The following NR1I2 variants were observed in gnomAD, a reference collection of about 807,000 sequenced individuals.
NR1I2 encodes nuclear receptor subfamily 1 group I member 2.
In NR1I2, 42 loss-of-function variants were observed where a neutral mutation model predicts 43.3. That is an observed-to-expected ratio of 0.97 (90% confidence interval 0.76 to 1.26). NR1I2 has a LOEUF of 1.26. NR1I2 is among the 50% of genes most tolerant of loss of function. The pLI is 0.00. For synonymous variants in NR1I2, 229 were observed against 215.0 expected (o/e 1.06, Z -0.57); for missense variants, 559 against 566.7 (o/e 0.99, Z 0.14).
intron 1 of NR1I2, among the ~76,000 whole-genome samples, chr3:119,803,704 C>A (rs1226891421): frequency 6.6e-6 from 1 of 152,162 alleles, no homozygotes; most frequent in East Asian, 1.9e-4. Context: ...TCCCAAAACA[C>A]TAATCCTGAA....
rs954675943 is a variant in NR1I2, at chr3:119,818,238, G to A, written c.*1026G>A. On this transcript the variant is annotated 3_prime_UTR_variant, in exon 9 of 9. Coordinates refer to ENST00000393716, the MANE Select transcript of NR1I2 (RefSeq NM_003889.4). ...TGTGACAAGGCTACGCTGACAATCA[G>A]TTAAACACACCGGAGAAGAACCATT... 17 of 985,552 alleles carry A rather than the reference G, an allele frequency of 1.7e-5. No homozygotes were observed. Among genetic ancestry groups the A allele is most frequent in the Middle Eastern group, 5.2e-4 (1 of 1,934 alleles). 61.1% of individuals were successfully genotyped at this position (985,552 alleles called of 1,614,324 possible).
In NR1I2 at chr3:119,818,226, C is replaced by A; in HGVS notation, c.*1014C>A. On this transcript the variant is annotated 3_prime_UTR_variant, in exon 9 of 9. Coordinates refer to ENST00000393716, the MANE Select transcript of NR1I2 (RefSeq NM_003889.4). ...CTGGGTATGCTCTGTGACAAGGCTA[C>A]GCTGACAATCAGTTAAACACACCGG... The A allele has an allele frequency of 1.0e-6, 1 of 985,698 alleles. No homozygotes were observed. Among genetic ancestry groups the A allele is most frequent in the South Asian group, 4.7e-5 (1 of 21,284 alleles). 61.1% of individuals were successfully genotyped at this position (985,698 alleles called of 1,614,324 possible). A position where few individuals can be genotyped will look rare whatever the true frequency, so the allele number is the denominator to read the frequency against.
chr3:119,802,071 C>T (rs546850246), intron 1 of NR1I2, among the ~76,000 whole-genome samples: 2 of 152,250 alleles, frequency 1.3e-5, no homozygotes, highest in South Asian at 2.1e-4. Flanking sequence ...AAGTCACAGA[C>T]CATCCTAGAC....
chr3:119,811,748 C>A (rs138409236), intron 4 of NR1I2, 22 bp downstream of exon 4: 8 of 1,585,098 alleles, frequency 5.0e-6, no homozygotes, highest in East Asian at 2.3e-5. Flanking sequence ...TGCACAGTGA[C>A]CCGAGGTGTC....
chr3:119,805,717 CAA>C (rs35156130), intron 1 of NR1I2, among the ~76,000 whole-genome samples: 3 of 96,620 alleles, frequency 3.1e-5, no homozygotes, highest in Non-Finnish European at 2.0e-5. Flanking sequence ...TCCCCCCCAC[CAA>C]AAAAAAAAGA....
At chr3:119,814,775 G>C (rs976080782) in intron 5 of NR1I2, among the ~76,000 whole-genome samples, 1 of 152,178 alleles carries the variant, frequency 6.6e-6, no homozygotes, top group Admixed American at 6.5e-5. Flanking sequence ...GGGGAGGAGA[G>C]GATGCTGCGG....
chr3:119,812,873 T>A lies in NR1I2; in HGVS notation c.707T>A (p.Ile236Asn). The A allele has an allele frequency of 6.2e-7, 1 of 1,613,382 alleles. No homozygotes were observed. The highest frequency in any genetic ancestry group is 8.5e-7 in the Non-Finnish European group (1 of 1,179,344). The change falls in exon 5 of 9, where the codon ATC becomes AAC. Residue 236 changes from isoleucine to asparagine, a missense_variant. Transcript: ENST00000393716. ...CCAGCCGACAGTGGCGGGAAAGAGA[T>A]CTTCTCCCTGCTGCCCCACATGGCT...
At chr3:119,797,010 G>A (rs996881402) in intron 1 of NR1I2, among the ~76,000 whole-genome samples, 10 of 152,092 alleles carry the variant, frequency 6.6e-5, no homozygotes, top group Admixed American at 2.0e-4. Context: ...ATCTCCAGCC[G>A]CCAGGAGCAA....
chr3:119,792,426 C>T (rs2054932741), intron 1 of NR1I2: 6 of 1,192,124 alleles, frequency 5.0e-6, no homozygotes, highest in Non-Finnish European at 7.5e-6. Context: ...CTGGCCACTG[C>T]AGGGGACGGC....
chr3:119,814,771 G>C (rs1160961381), intron 5 of NR1I2, among the ~76,000 whole-genome samples: 1 of 152,198 alleles, frequency 6.6e-6, no homozygotes, highest in Non-Finnish European at 1.5e-5. Flanking sequence ...TGGAGGGGAG[G>C]AGAGGATGCT....
At chr3:119,790,015 A>G (rs1227445236) in intron 1 of NR1I2, among the ~76,000 whole-genome samples, 1 of 152,174 alleles carries the variant, frequency 6.6e-6, no homozygotes. Flanking sequence ...GTATGTTTTC[A>G]TCGTTGTGCA....
At position 119,815,136 on chromosome 3, in the gene NR1I2, C is replaced by G; in HGVS notation, c.937+15C>G. 1 of 1,614,138 alleles carries G rather than the reference C, an allele frequency of 6.2e-7. No individual in the cohort carries two copies. Among genetic ancestry groups the G allele is most frequent in the Non-Finnish European group, 8.5e-7 (1 of 1,180,028 alleles). On this transcript the variant is annotated intron_variant, in intron 6 of 8. Transcript: ENST00000393716. ...AGACACTGCAGGTGCCCGAGAGAGCCTGCCTGCCCTGGCAGAGGGAGGGAA... is the reference window on the plus strand; with the variant it reads ...AGACACTGCAGGTGCCCGAGAGAGCGTGCCTGCCCTGGCAGAGGGAGGGAA...
intron 5 of NR1I2, 96 bp from the exon 6 acceptor site, chr3:119,814,883 C>G: frequency 6.6e-7 from 1 of 1,512,074 alleles, no homozygotes; most frequent in East Asian, 2.3e-5. Flanking sequence ...CCCTCTTCCT[C>G]TCGCCCCCAA....
chr3:119,817,437 AC>A lies in NR1I2; in HGVS notation c.*226del, dbSNP rs2055346733. The A allele has an allele frequency of 7.1e-7, 1 of 1,407,732 alleles. No individual in the cohort carries two copies. Among genetic ancestry groups the A allele is most frequent in the African/African-American group, 1.4e-5 (1 of 69,386 alleles). 87.2% of individuals were successfully genotyped at this position (1,407,732 alleles called of 1,614,324 possible). A position where few individuals can be genotyped will look rare whatever the true frequency, so the allele number is the denominator to read the frequency against. ...GTAGGGAGTGAAGCCACAGACTCTT[AC>A]GTGGAGAGTGCACTGACCTGTAGGT... On this transcript the variant is annotated 3_prime_UTR_variant, in exon 9 of 9. Coordinates refer to ENST00000393716, the MANE Select transcript of NR1I2 (RefSeq NM_003889.4).
intron 1 of NR1I2, chr3:119,782,786 A>AG: frequency 6.2e-7 from 1 of 1,614,174 alleles, no homozygotes; most frequent in Non-Finnish European, 8.5e-7. Flanking sequence ...CACCACTTCA[A>AG]GGAGGGGTCC....
In NR1I2 at chr3:119,810,064, G is replaced by T; in HGVS notation, c.201G>T (p.Arg67Ser). ...TCTGCTCCCCATTCTCTCACAGGAGGGCCATGAAACGCAACGCCCGGCTGA... is the reference window on the plus strand; with the variant it reads ...TCTGCTCCCCATTCTCTCACAGGAGTGCCATGAAACGCAACGCCCGGCTGA... Residue 67 changes from arginine (R) to serine (S), a missense_variant, in exon 3 of 9, where the codon AGG (arginine) becomes AGT (serine). Transcript: ENST00000393716. 3 of 1,613,874 alleles carry T rather than the reference G, an allele frequency of 1.9e-6. No individual in the cohort carries two copies. Among genetic ancestry groups the T allele is most frequent in the Non-Finnish European group, 2.5e-6 (3 of 1,179,930 alleles).
intron 1 of NR1I2, among the ~76,000 whole-genome samples, chr3:119,787,299 A>G (rs1396929705): frequency 6.6e-6 from 1 of 151,960 alleles, no homozygotes; most frequent in Non-Finnish European, 1.5e-5. Context: ...AAAAAAAAAA[A>G]AAGTTCCGTC....
chr3:119,791,946 T>G, intron 1 of NR1I2: 1 of 676,148 alleles, frequency 1.5e-6, no homozygotes, highest in Non-Finnish European at 2.8e-6. Context: ...TGACCGATTC[T>G]GTGGAGTACA....
rs139731039 is a variant in NR1I2 at position 119,810,373 on chromosome 3, G to A, written c.331+179G>A. The A allele has an allele frequency of 1.5e-3, 1,369 of 895,126 alleles. 17 individuals carry two copies. The African/African-American group carries it at 0.021, about 14-fold the overall frequency. 55.4% of individuals were successfully genotyped at this position (895,126 alleles called of 1,614,324 possible). ...GCCACCTGGGGGAGCGCTTGCAGTC[G>A]GCCCTCTGGGAGATGGAGGGAGTCG... On this transcript the variant is annotated intron_variant, in intron 3 of 8. Coordinates refer to ENST00000393716, the MANE Select transcript of NR1I2 (RefSeq NM_003889.4).
Sources: allele counts gnomAD v4.1 joint callset (sites outside exome capture counted in the v4.1 genomes callset), GRCh38; gene constraint gnomAD v4.1.1; transcripts MANE v1.5; gene names NCBI Gene and HGNC (gene_info 2026-07-23, HGNC 2026-07-21).